IQCM: variants seen among roughly 807,000 people sequenced by gnomAD.
IQCM encodes the protein IQ motif containing M.
In IQCM, 45 loss-of-function variants were observed where a neutral mutation model predicts 57.6. The observed-to-expected ratio is 0.78, with a 90% CI of 0.62 to 1.00. IQCM has a LOEUF of 1.00. Ranked by LOEUF, IQCM falls within the 50% of genes least tolerant of loss-of-function variation. The probability of loss-of-function intolerance (pLI) is 0.00; values close to 1 mark genes in which losing one functional copy is unlikely to be tolerated. For missense variants in IQCM, 468 were observed against 511.6 expected (o/e 0.91, Z 0.82); for synonymous variants, 148 against 158.9 (o/e 0.93, Z 0.51).
At chr4:149,712,795 C>A (rs966623651) in intron 5 of IQCM, among the ~76,000 whole-genome samples, 3 of 152,150 alleles carry the variant, frequency 2.0e-5, no homozygotes, top group Non-Finnish European at 4.4e-5. Flanking sequence ...TCTCAGGAGG[C>A]TACTTTCCAA....
At chr4:149,775,436 A>T (rs1019977510) in intron 2 of IQCM, among the ~76,000 whole-genome samples, 5 of 152,188 alleles carry the variant, frequency 3.3e-5, no homozygotes, top group African/African-American at 1.2e-4. Context: ...CAAAAAATAA[A>T]AATAAAAACA....
intron 12 of IQCM, among the ~76,000 whole-genome samples, chr4:149,523,450 C>G (rs957726844): frequency 2.0e-5 from 3 of 151,978 alleles, no homozygotes; most frequent in Non-Finnish European, 4.4e-5. Flanking sequence ...CAAACAAGGA[C>G]AGTTCACATG....
chr4:149,545,917 C>G (rs755207613), intron 12 of IQCM, among the ~76,000 whole-genome samples: 1 of 152,064 alleles, frequency 6.6e-6, no homozygotes, highest in African/African-American at 2.4e-5. Context: ...GTGCTGCACC[C>G]GTTAACTCGT....
chr4:149,535,060 C>G (rs1024438330), intron 12 of IQCM, among the ~76,000 whole-genome samples: 1 of 151,956 alleles, frequency 6.6e-6, no homozygotes, highest in African/African-American at 2.4e-5. Flanking sequence ...AAGCTTGATT[C>G]AGAAAAGCTA....
intron 7 of IQCM, among the ~76,000 whole-genome samples, chr4:149,654,424 C>T (rs1759460004): frequency 6.6e-6 from 1 of 152,020 alleles, no homozygotes; most frequent in Non-Finnish European, 1.5e-5. Context: ...CACCAACTCC[C>T]TCATCTCCTC....
intron 9 of IQCM, among the ~76,000 whole-genome samples, chr4:149,571,599 T>A (rs962541897): frequency 2.0e-5 from 3 of 152,096 alleles, no homozygotes; most frequent in Non-Finnish European, 2.9e-5. Flanking sequence ...TAACAATATA[T>A]TGTATTCTTG....
At chr4:149,474,756 C>T (rs991408495) in intron 12 of IQCM, among the ~76,000 whole-genome samples, 1 of 151,482 alleles carries the variant, frequency 6.6e-6, no homozygotes, top group African/African-American at 2.4e-5. Flanking sequence ...AAAATAAAAA[C>T]AGAGTAGACG....
intron 13 of IQCM, among the ~76,000 whole-genome samples, chr4:149,375,511 A>G (rs907229946): frequency 6.6e-6 from 1 of 152,194 alleles, no homozygotes; most frequent in Non-Finnish European, 1.5e-5. Flanking sequence ...GTTTGTAAAA[A>G]TATATGTGTA....
chr4:149,765,631 C>T (rs1347784333), intron 2 of IQCM, among the ~76,000 whole-genome samples: 1 of 152,016 alleles, frequency 6.6e-6, no homozygotes, highest in Non-Finnish European at 1.5e-5. Flanking sequence ...ATGGGAGGGG[C>T]CTGAATTCTG....
intron 8 of IQCM, among the ~76,000 whole-genome samples, chr4:149,605,176 T>C (rs1754666355): frequency 6.6e-6 from 1 of 152,222 alleles, no homozygotes; most frequent in Non-Finnish European, 1.5e-5. Flanking sequence ...TTGAATATTT[T>C]GGCTTCTACA....
chr4:149,801,317 G>A (rs1773581599), intron 2 of IQCM, among the ~76,000 whole-genome samples: 1 of 151,922 alleles, frequency 6.6e-6, no homozygotes, highest in African/African-American at 2.4e-5. Context: ...CAACCACTAA[G>A]GAGAACAGTT....
intron 7 of IQCM, among the ~76,000 whole-genome samples, chr4:149,680,213 T>G (rs1366476475): frequency 2.0e-5 from 3 of 151,526 alleles, no homozygotes; most frequent in Admixed American, 1.3e-4. Context: ...AAAGAATGAT[T>G]TTAATTGTAA....
chr4:149,387,473 G>A (rs1252992324), intron 13 of IQCM, among the ~76,000 whole-genome samples: 1 of 151,868 alleles, frequency 6.6e-6, no homozygotes, highest in Admixed American at 6.6e-5. Flanking sequence ...GTCCAAATTA[G>A]GTTTCTTAGG....
At chr4:149,481,701 G>T (rs72726104) in intron 12 of IQCM, among the ~76,000 whole-genome samples, 11,912 of 52,024 alleles carry the variant, frequency 0.23, 1,615 homozygotes, top group South Asian at 0.47. Context: ...TTCCAGTTTT[G>T]TTTTTTTTTT....
intron 5 of IQCM, among the ~76,000 whole-genome samples, chr4:149,713,307 C>T (rs993795097): frequency 3.3e-5 from 5 of 152,222 alleles, no homozygotes; most frequent in Non-Finnish European, 5.9e-5. Flanking sequence ...AAGGTCAATC[C>T]TTATGAACAC....
intron 8 of IQCM, among the ~76,000 whole-genome samples, chr4:149,611,501 C>T (rs1267965246): frequency 6.6e-6 from 1 of 152,036 alleles, no homozygotes; most frequent in African/African-American, 2.4e-5. Context: ...ATTATTCAGA[C>T]ATAAAAAGGA....
intron 10 of IQCM, among the ~76,000 whole-genome samples, chr4:149,558,836 G>A (rs529894434): frequency 3.2e-4 from 48 of 152,166 alleles, no homozygotes; most frequent in African/African-American, 1.1e-3. Flanking sequence ...TTTCTATATG[G>A]CCCAATTCCC....
chr4:149,365,661 AC>A (rs1167929472), intron 13 of IQCM, among the ~76,000 whole-genome samples: 1 of 152,190 alleles, frequency 6.6e-6, no homozygotes, highest in Non-Finnish European at 1.5e-5. Context: ...GCATGTTCCC[AC>A]TGATATGATG....
chr4:149,437,470 C>T (rs1463171105), intron 12 of IQCM, among the ~76,000 whole-genome samples: 1 of 151,982 alleles, frequency 6.6e-6, no homozygotes, highest in African/African-American at 2.4e-5. Flanking sequence ...ACAATATGAA[C>T]TCTACACCAC....
Sources: gnomAD v4.1 joint callset for allele counts (sites outside exome capture counted in the v4.1 genomes callset) on GRCh38, gnomAD v4.1.1 for gene constraint, MANE v1.5 for transcripts, NCBI Gene and HGNC (gene_info 2026-07-23, HGNC 2026-07-21) for gene names.